The following SLC3A1 variants were observed in gnomAD, a reference collection of about 807,000 sequenced individuals.
SLC3A1 encodes the protein solute carrier family 3 member 1, also known as amino acid transporter heavy chain SLC3A1.
SLC3A1 carries 78 observed loss-of-function variants against 60.3 expected under a neutral mutation model. That is an observed-to-expected ratio of 1.29 (90% CI 1.08 to 1.56). SLC3A1 has a LOEUF of 1.56. Among genes scored for constraint, SLC3A1 ranks in the 40% most tolerant of loss-of-function variants. The pLI, the probability that SLC3A1 is intolerant of heterozygous loss-of-function variation, is 0.00. For synonymous variants in SLC3A1, 392 were observed against 307.9 expected (o/e 1.27, Z -2.86); for missense variants, 1,172 against 858.9 (o/e 1.36, Z -4.56).
Position 44,313,950 on chromosome 2 carries a change from A to ATG in SLC3A1, c.1617+1_1617+2dup. 1 of 1,614,072 alleles carries ATG rather than the reference A, an allele frequency of 6.2e-7. No individual in the cohort carries two copies. The highest frequency in any genetic ancestry group is 1.3e-5 in the African/African-American group (1 of 75,052). Reference sequence around the variant, plus strand: ...TCAGATTACCACACTGTGAATGTTGATGTAAGTATCAGTGAAAATTTTATG... The same window carrying ATG: ...TCAGATTACCACACTGTGAATGTTGATGTGTAAGTATCAGTGAAAATTTTATG... On this transcript the variant is annotated frameshift_variant and splice_region_variant, in exon 9 of 10. Coordinates refer to ENST00000260649, the MANE Select transcript of SLC3A1 (RefSeq NM_000341.4). LOFTEE classifies it low-confidence loss of function (END_TRUNC).
chr2:44,294,405 T>C (rs28391744), intron 4 of SLC3A1, among the ~76,000 whole-genome samples: 117,180 of 150,860 alleles, frequency 0.78, 46,410 homozygotes, highest in African/African-American at 0.88. Context: ...CTCAGGAGGC[T>C]GAGGCAGGAG....
At chr2:44,278,420 C>A (rs1671401078) in intron 1 of SLC3A1, among the ~76,000 whole-genome samples, 1 of 151,786 alleles carries the variant, frequency 6.6e-6, no homozygotes, top group African/African-American at 2.4e-5. Flanking sequence ...TGCACTCCAG[C>A]CTGGGCGACA....
At chr2:44,284,631 T>C (rs1671573829) in intron 3 of SLC3A1, among the ~76,000 whole-genome samples, 1 of 152,178 alleles carries the variant, frequency 6.6e-6, no homozygotes, top group Admixed American at 6.5e-5. Flanking sequence ...GGCTCAATCA[T>C]AGCTTACTGC....
rs1383156493 is a variant in SLC3A1 at position 44,281,402 on chromosome 2, T to C, written c.626T>C (p.Ile209Thr). ...AIHDKGLKLI[I>T]DFIPNHTSDK... ...TACTCATTAGGTTTAAAATTAATCA[T>C]CGATTTCATACCAAACCACACGAGT... The change falls in exon 3 of 10, where the codon ATC (isoleucine) becomes ACC (threonine). Residue 209 changes from isoleucine (I) to threonine (T), a missense_variant. Ile to Thr is a moderately conservative substitution (Grantham distance 89). Coordinates refer to ENST00000260649, the MANE Select transcript of SLC3A1 (RefSeq NM_000341.4). 9 of 1,613,018 alleles carry C rather than the reference T, an allele frequency of 5.6e-6. No homozygotes were observed. The highest frequency in any genetic ancestry group is 1.3e-5 in the African/African-American group (1 of 74,888).
intron 8 of SLC3A1, 174 bp downstream of exon 8, chr2:44,312,927 G>T: frequency 1.7e-6 from 1 of 601,874 alleles, no homozygotes; most frequent in Middle Eastern, 4.6e-4. Flanking sequence ...GGTGGTCTGA[G>T]AGCTTATTTT....
intron 7 of SLC3A1, among the ~76,000 whole-genome samples, chr2:44,307,569 T>C: frequency 6.6e-6 from 1 of 152,154 alleles, no homozygotes; most frequent in Non-Finnish European, 1.5e-5. Flanking sequence ...ATTGCATTTT[T>C]TTTTTTTTTT....
intron 1 of SLC3A1, among the ~76,000 whole-genome samples, chr2:44,278,258 C>T (rs1415718104): frequency 6.6e-6 from 1 of 151,776 alleles, no homozygotes; most frequent in Non-Finnish European, 1.5e-5. Context: ...TCCTGGCTAA[C>T]ACGGTGAAAC....
chr2:44,320,732 T>TC lies in SLC3A1; in HGVS notation c.*94dup. ...GTACAGCATGCTGCTTGGTGAACAATCATTAATTCTTCGATATTTCTGTAG... is the reference window on the plus strand; with the variant it reads ...GTACAGCATGCTGCTTGGTGAACAATCCATTAATTCTTCGATATTTCTGTAG... On this transcript the variant is annotated 3_prime_UTR_variant, in exon 10 of 10. Transcript: ENST00000260649. 1.0e-6 allele frequency: 1 copy of TC among 971,614 alleles called. No homozygotes were observed. Among genetic ancestry groups the TC allele is most frequent in the Non-Finnish European group, 1.7e-6 (1 of 606,010 alleles). 60.2% of individuals were successfully genotyped at this position (971,614 alleles called of 1,614,324 possible).
chr2:44,276,442 G>C (rs999059999), intron 1 of SLC3A1, among the ~76,000 whole-genome samples: 2 of 152,122 alleles, frequency 1.3e-5, no homozygotes, highest in Non-Finnish European at 2.9e-5. Context: ...TCTGTAAAAA[G>C]TATAGGCTGA....
chr2:44,281,612 A>C (rs1408202083), intron 3 of SLC3A1, 71 bp downstream of exon 3: 1 of 1,441,376 alleles, frequency 6.9e-7, no homozygotes, highest in African/African-American at 1.4e-5. Flanking sequence ...GATTTAGTAA[A>C]ACCCTTTTGA....
rs745458015 is a variant in SLC3A1, at chr2:44,281,387, G to A, written c.611G>A (p.Gly204Asp). The A allele has an allele frequency of 1.2e-6, 2 of 1,611,356 alleles. No homozygotes were observed. Among genetic ancestry groups the A allele is most frequent in the Non-Finnish European group, 8.5e-7 (1 of 1,177,648 alleles). ...ATTTGAAATGTCTTTTACTCATTAG[G>A]TTTAAAATTAATCATCGATTTCATA... ...ENLVAAIHDK[G>D]LKLIIDFIPN... is the part of the protein sequence containing the mutation. The change falls in exon 3 of 10, where the codon GGT (glycine) becomes GAT (aspartate). Residue 204 changes from glycine to aspartate, a missense_variant and splice_region_variant. Coordinates refer to ENST00000260649, the MANE Select transcript of SLC3A1 (RefSeq NM_000341.4).
At chr2:44,314,325 G>T in intron 9 of SLC3A1, 1 of 480,204 alleles carries the variant, frequency 2.1e-6, no homozygotes, top group Middle Eastern at 5.6e-4. Flanking sequence ...CATGCAGGCA[G>T]TAAGGAGATC....
intron 7 of SLC3A1, among the ~76,000 whole-genome samples, chr2:44,306,417 T>C (rs1216790542): frequency 6.6e-6 from 1 of 152,176 alleles, no homozygotes; most frequent in Non-Finnish European, 1.5e-5. Flanking sequence ...CCAGAGCCTT[T>C]CTCCGTCTGG....
intron 9 of SLC3A1, chr2:44,318,857 T>C (rs1289344958): frequency 6.6e-6 from 1 of 152,120 alleles, no homozygotes; most frequent in Non-Finnish European, 1.5e-5. Context: ...GATAAAACAT[T>C]CCACCAAAAA....
At chr2:44,277,693 G>A (rs1467684863) in intron 1 of SLC3A1, among the ~76,000 whole-genome samples, 1 of 152,134 alleles carries the variant, frequency 6.6e-6, no homozygotes, top group Non-Finnish European at 1.5e-5. Flanking sequence ...TAGACCTAAA[G>A]CCCTAAATCC....
chr2:44,286,011 G>T, intron 3 of SLC3A1, 21 bp from the exon 4 acceptor site: 1 of 1,613,978 alleles, frequency 6.2e-7, no homozygotes, highest in Non-Finnish European at 8.5e-7. Context: ...TCACTGATGT[G>T]CTGTTTTCTT....
In SLC3A1 at chr2:44,279,485, G is replaced by A. The variant is rs113690640; in HGVS notation, c.431-1231G>A. On this transcript the variant is annotated intron_variant, in intron 1 of 9. Transcript: ENST00000260649. Reference sequence around the variant, plus strand: ...GGGCCAATGCCCTGATGCCCTTAAAGCACTTTCTGCAGCTCTTCCTTAGCT... The same window carrying A: ...GGGCCAATGCCCTGATGCCCTTAAAACACTTTCTGCAGCTCTTCCTTAGCT... 2.3e-3 allele frequency among the ~76,000 whole-genome samples: 357 copies of A among 152,168 alleles called. 1 individual carries two copies. Among genetic ancestry groups the A allele is most frequent in the Middle Eastern group, 6.8e-3 (2 of 294 alleles).
intron 4 of SLC3A1, among the ~76,000 whole-genome samples, chr2:44,299,003 A>G (rs1311733890): frequency 6.6e-6 from 1 of 150,944 alleles, no homozygotes; most frequent in Non-Finnish European, 1.5e-5. Context: ...TATTTGTGAA[A>G]TTAAAGCCAG....
chr2:44,293,504 A>C (rs541260775), intron 4 of SLC3A1, among the ~76,000 whole-genome samples: 1 of 132,750 alleles, frequency 7.5e-6, no homozygotes, highest in East Asian at 2.0e-4. Context: ...GCAACAGAGC[A>C]AGACACCGTT....
Sources: allele counts gnomAD v4.1 joint callset (sites outside exome capture counted in the v4.1 genomes callset), GRCh38; gene constraint gnomAD v4.1.1; transcripts MANE v1.5; gene names NCBI Gene and HGNC (gene_info 2026-07-23, HGNC 2026-07-21).